POLR3A: variants seen among roughly 807,000 people sequenced by gnomAD.
POLR3A encodes RNA polymerase III subunit A, also known as DNA-directed RNA polymerase III subunit RPC1.
Under a neutral mutation model 152.8 loss-of-function variants are expected in POLR3A, and 112 were observed. The ratio of observed to expected loss-of-function variants is 0.73; its 90% confidence interval spans 0.63 to 0.86. The LOEUF (loss-of-function observed/expected upper bound fraction) is 0.86. POLR3A is among the 40% of genes least tolerant of loss of function. POLR3A has a pLI of 0.00. For synonymous variants in POLR3A, 615 were observed against 652.1 expected, an observed-to-expected ratio of 0.94 and a Z score of 0.87; for missense variants, 1,385 against 1,743.1, an observed-to-expected ratio of 0.79 and a Z score of 3.66.
chr10:77,999,103 A>C (rs1351595707), intron 19 of POLR3A, among the ~76,000 whole-genome samples: 1 of 152,178 alleles, frequency 6.6e-6, no homozygotes, highest in Admixed American at 6.6e-5. Flanking sequence ...TTGAACAATG[A>C]GAACACATGG....
In POLR3A at chr10:78,029,470, C is replaced by G; in HGVS notation, c.-63G>C. On this transcript the variant is annotated 5_prime_UTR_variant, in exon 1 of 31. Transcript: ENST00000372371. ...GGCCAGATTAGAGAAACGATGCCCC[C>G]AGCACCTCCTGGGGCTGCTTCTGGA... is the stretch of plus-strand genomic sequence containing the variant. The G allele has an allele frequency of 6.5e-7, 1 of 1,549,594 alleles. No individual in the cohort carries two copies. The highest frequency in any genetic ancestry group is 1.7e-5 in the Admixed American group (1 of 59,852).
At chr10:77,981,663 C>A in intron 28 of POLR3A, 104 bp from the exon 29 acceptor site, 1 of 1,392,052 alleles carries the variant, frequency 7.2e-7, no homozygotes, top group South Asian at 1.2e-5. Context: ...AACCCTGTGC[C>A]GTTTTCCAGA....
rs761661211 is a variant in POLR3A, at chr10:77,982,686, G to A, written c.3561C>T (p.Tyr1187=). Residue 1187 remains tyrosine, a synonymous_variant, in exon 27 of 31, where the codon TAC becomes TAT. Coordinates refer to ENST00000372371, the MANE Select transcript of POLR3A (RefSeq NM_007055.4). ...GATCCTCTTTCAGGAACTGCAGCAC[G>A]TAGTACATGGAGCTCTTGCTGTTCT... ...PRENSKSSMY[Y]VLQFLKEDLP... The A allele has an allele frequency of 4.3e-6, 7 of 1,613,594 alleles. No individual in the cohort carries two copies. Among genetic ancestry groups the A allele is most frequent in the East Asian group, 2.2e-5 (1 of 44,876 alleles).
chr10:78,013,993 C>T (rs1020810470), intron 10 of POLR3A, among the ~76,000 whole-genome samples: 7 of 152,060 alleles, frequency 4.6e-5, no homozygotes, highest in Non-Finnish European at 7.4e-5. Context: ...CCCATCTCTA[C>T]TAAAAATACA....
At chr10:78,016,872 CAAA>C (rs201996598) in intron 10 of POLR3A, among the ~76,000 whole-genome samples, 7 of 79,618 alleles carry the variant, frequency 8.8e-5, no homozygotes, top group Admixed American at 1.4e-4. Flanking sequence ...AGACTGTCTC[CAAA>C]AAAAAAAAAA....
chr10:78,012,625 T>C (rs571606480), intron 11 of POLR3A, among the ~76,000 whole-genome samples: 22 of 151,948 alleles, frequency 1.4e-4, no homozygotes, highest in Non-Finnish European at 2.9e-4. Flanking sequence ...TTGGGGATCA[T>C]GAAGTTCAGG....
At chr10:78,008,019 GA>G (rs1326779812) in intron 14 of POLR3A, among the ~76,000 whole-genome samples, 153 bp from the exon 15 acceptor site, 7 of 144,296 alleles carry the variant, frequency 4.9e-5, no homozygotes, top group African/African-American at 1.3e-4. Context: ...TGGGGGGAGG[GA>G]GGGGGGGTTA....
chr10:78,021,659 C>T lies in POLR3A; in HGVS notation c.1072G>A (p.Gly358Arg). ...CTGCCAGAAAAATCCACTCTCTTTC[C>T]TGAGAGATTTCCTCTAAATCGACCT... ...KQGRFRGNLS[G>R]KRVDFSGRTV... is the part of the protein sequence containing the mutation. The change falls in exon 8 of 31, where the codon GGA (glycine) becomes AGA (arginine). Residue 358 changes from glycine (G) to arginine (R), a missense_variant. By Grantham distance (125) the Gly-to-Arg change is moderately radical (BLOSUM62 -2). This residue lies in a region of POLR3A where 493 missense variants were observed against 647.5 expected (regional missense o/e 0.76). Coordinates refer to ENST00000372371, the MANE Select transcript of POLR3A (RefSeq NM_007055.4). The T allele has an allele frequency of 6.2e-7, 1 of 1,614,128 alleles. No individual in the cohort carries two copies.
At chr10:77,999,169 G>A (rs113528001) in intron 19 of POLR3A, among the ~76,000 whole-genome samples, 2,509 of 152,232 alleles carry the variant, frequency 0.016, 82 homozygotes, top group African/African-American at 0.058. Flanking sequence ...GGGGAGCGGG[G>A]AGGGATAGCA....
At chr10:77,988,050 G>A (rs1205334250) in intron 21 of POLR3A, among the ~76,000 whole-genome samples, 1 of 152,206 alleles carries the variant, frequency 6.6e-6, no homozygotes, top group Non-Finnish European at 1.5e-5. Flanking sequence ...AGCCCAGGCA[G>A]CCAAGGGGCT....
intron 16 of POLR3A, 151 bp from the exon 17 acceptor site, chr10:78,002,459 AAT>A: frequency 2.9e-6 from 2 of 696,050 alleles, no homozygotes; most frequent in South Asian, 3.2e-5. Flanking sequence ...AGAGGAGCAA[AAT>A]GCCCTGGCTA....
chr10:77,983,435 A>C (rs1021490622), intron 26 of POLR3A, among the ~76,000 whole-genome samples: 17 of 152,222 alleles, frequency 1.1e-4, no homozygotes, highest in Non-Finnish European at 2.5e-4. Context: ...TTTGTACCCC[A>C]AGTTGGTCTG....
intron 5 of POLR3A, 140 bp downstream of exon 5, chr10:78,024,409 C>A: frequency 1.4e-6 from 1 of 728,524 alleles, no homozygotes; most frequent in South Asian, 1.6e-5. Context: ...GGAGAGCTGT[C>A]GAACCTAACT....
chr10:78,011,900 C>T (rs1847470121), intron 11 of POLR3A, among the ~76,000 whole-genome samples: 1 of 152,152 alleles, frequency 6.6e-6, no homozygotes, highest in Non-Finnish European at 1.5e-5. Flanking sequence ...TTATTATTGC[C>T]ATTTGTAACC....
intron 10 of POLR3A, among the ~76,000 whole-genome samples, chr10:78,014,761 A>C (rs1204879140): frequency 1.3e-5 from 2 of 152,174 alleles, no homozygotes; most frequent in African/African-American, 4.8e-5. Context: ...GAGAGCACTA[A>C]GTTCTTACTT....
intron 19 of POLR3A, among the ~76,000 whole-genome samples, chr10:77,994,251 C>G (rs1212948273): frequency 4.6e-5 from 7 of 152,040 alleles, no homozygotes; most frequent in African/African-American, 1.4e-4. Context: ...GATACACGAG[C>G]TACAGGAGAG....
chr10:78,015,878 G>C (rs1460416640), intron 10 of POLR3A, among the ~76,000 whole-genome samples: 2 of 152,172 alleles, frequency 1.3e-5, no homozygotes, highest in African/African-American at 4.8e-5. Flanking sequence ...ATTCCAGAAA[G>C]AGAAGGCTTT....
At chr10:77,980,875 G>A (rs1847134465) in intron 29 of POLR3A, among the ~76,000 whole-genome samples, 4 of 152,024 alleles carry the variant, frequency 2.6e-5, no homozygotes, top group Admixed American at 2.6e-4. Context: ...TAAATAGTCT[G>A]TAATACTCTA....
At chr10:77,988,766 G>A (rs143846584) in intron 21 of POLR3A, among the ~76,000 whole-genome samples, 149 of 152,276 alleles carry the variant, frequency 9.8e-4, no homozygotes, top group African/African-American at 3.5e-3. Context: ...GTATAAGAGG[G>A]GGCTTTGCCT....
Sources: gnomAD v4.1 joint callset for allele counts (sites outside exome capture counted in the v4.1 genomes callset) on GRCh38, gnomAD v4.1.1 for gene constraint, gnomAD v4.1.1 regional missense constraint, MANE v1.5 for transcripts, NCBI Gene and HGNC (gene_info 2026-07-23, HGNC 2026-07-21) for gene names.